CDK2: variants seen among roughly 807,000 people sequenced by gnomAD.
The protein encoded by CDK2 is cyclin-dependent kinase 2.
Under a neutral mutation model 35.0 loss-of-function variants are expected in CDK2, and 8 were observed. That is an observed-to-expected ratio of 0.23 (90% CI 0.13 to 0.41). The LOEUF (loss-of-function observed/expected upper bound fraction) is 0.41. Among genes scored for constraint, CDK2 ranks in the 10% least tolerant of loss-of-function variants. CDK2 has a pLI of 1.00. For missense variants in CDK2, 201 were observed against 367.1 expected (o/e 0.55, Z 3.70); for synonymous variants, 134 against 137.7 (o/e 0.97, Z 0.19).
chr12:55,969,389 G>A, intron 4 of CDK2, 86 bp from the exon 5 acceptor site: 1 of 642,802 alleles, frequency 1.6e-6, no homozygotes, highest in East Asian at 2.8e-5. Flanking sequence ...GAGGCCAAGA[G>A]TAAGCAGAGT....
Position 55,967,213 on chromosome 12 carries a change from C to A in CDK2, c.116+89C>A, listed in dbSNP as rs535976635. 1.6e-5 allele frequency: 15 copies of A among 937,562 alleles called. No homozygotes were observed. In the South Asian group the frequency reaches 2.1e-4, roughly 13 times the overall value. The allele number at this position is 937,562 out of a possible 1,614,324, so 58.1% of individuals were successfully genotyped here. A position where few individuals can be genotyped will look rare whatever the true frequency, so the allele number is the denominator to read the frequency against. ...CCACGGGCGGGTAGCCGTCCAGGGA[C>A]CGGAAGAGAGCAGGGAGGGACTTCT... On this transcript the variant is annotated intron_variant, in intron 1 of 6. Coordinates refer to ENST00000266970, the MANE Select transcript of CDK2 (RefSeq NM_001798.5).
rs373075561 is a variant in CDK2 at position 55,972,673 on chromosome 12, G to A, written c.*1048G>A. On this transcript the variant is annotated 3_prime_UTR_variant, in exon 7 of 7. Transcript: ENST00000266970. ...GTAATGACAGTGCTAAAAAAAAAAA[G>A]CATTTTTTTTTTATGATTTGTCTCT... The A allele has an allele frequency of 8.7e-6, 1 of 114,420 alleles. No individual in the cohort carries two copies. Among genetic ancestry groups the A allele is most frequent in the South Asian group, 2.7e-4 (1 of 3,684 alleles). The allele number at this position is 114,420 out of a possible 1,614,324, so 7.1% of individuals were successfully genotyped here.
intron 1 of CDK2, chr12:55,967,327 A>G (rs1889350062): frequency 1.8e-6 from 1 of 559,586 alleles, no homozygotes; most frequent in African/African-American, 1.9e-5. Flanking sequence ...TGTGGAATCC[A>G]TGGAAAACTT....
chr12:55,970,658 C>T (rs1237152253), intron 5 of CDK2: 8 of 702,248 alleles, frequency 1.1e-5, no homozygotes, highest in Non-Finnish European at 1.3e-5. Context: ...AAATGGAAGA[C>T]AGAGTCTCTG....
At chr12:55,969,423 G>C in intron 4 of CDK2, 52 bp from the exon 5 acceptor site, 1 of 955,842 alleles carries the variant, frequency 1.0e-6, no homozygotes, top group East Asian at 2.5e-5. Context: ...TGAGATGCGG[G>C]AATTTCCATA....
intron 1 of CDK2, 175 bp downstream of exon 1, chr12:55,967,299 G>A (rs1225617523): frequency 2.0e-5 from 12 of 609,978 alleles, no homozygotes; most frequent in Admixed American, 5.6e-5. Flanking sequence ...TATACTCCCT[G>A]GGGAGAGTAT....
At position 55,971,230 on chromosome 12, in the gene CDK2, G is replaced by C. The variant is rs201440719; in HGVS notation, c.775G>C (p.Gly259Arg). The change falls in exon 6 of 7, where the codon GGA (glycine) becomes CGA (arginine). Residue 259 changes from glycine to arginine, a missense_variant. Gly to Arg is a moderately radical substitution (Grantham distance 125). Coordinates refer to ENST00000266970, the MANE Select transcript of CDK2 (RefSeq NM_001798.5). The stretch of plus-strand genomic sequence containing the variant: ...AGTTGTACCTCCCCTGGATGAAGAT[G>C]GACGGAGCTTGTTATCGGTGAGAGT... Reference protein sequence around the residue: ...SKVVPPLDEDGRSLLSQMLHY... With the variant: ...SKVVPPLDEDRRSLLSQMLHY... 1 of 1,614,070 alleles carries C rather than the reference G, an allele frequency of 6.2e-7. No homozygotes were observed. The highest frequency in any genetic ancestry group is 8.5e-7 in the Non-Finnish European group (1 of 1,180,006).
chr12:55,967,044 G>A lies in CDK2; in HGVS notation c.36G>A (p.Glu12=). The change falls in exon 1 of 7, where the codon GAG becomes GAA. Residue 12 remains glutamate, a synonymous_variant. Coordinates refer to ENST00000266970, the MANE Select transcript of CDK2 (RefSeq NM_001798.5). ...TCCAAAAGGTGGAAAAGATCGGAGA[G>A]GGCACGTACGGAGTTGTGTACAAAG... ...ENFQKVEKIG[E]GTYGVVYKAR... 6.2e-7 allele frequency: 1 copy of A among 1,613,928 alleles called. No individual in the cohort carries two copies. The highest frequency in any genetic ancestry group is 8.5e-7 in the Non-Finnish European group (1 of 1,179,954).
Position 55,966,834 on chromosome 12 carries a change from T to C in CDK2, c.-175T>C. The C allele has an allele frequency of 1.1e-6, 1 of 890,138 alleles. No homozygotes were observed. The highest frequency in any genetic ancestry group is 1.6e-6 in the Non-Finnish European group (1 of 618,738). The allele number at this position is 890,138 out of a possible 1,614,324, so 55.1% of individuals were successfully genotyped here. A position where few individuals can be genotyped will look rare whatever the true frequency, so the allele number is the denominator to read the frequency against. The stretch of plus-strand genomic sequence containing the variant: ...AACTCGGTGGGAGGCGGCAACATTG[T>C]TTCAAGTTGGCCAAATTGACAAGAG... On this transcript the variant is annotated 5_prime_UTR_variant, in exon 1 of 7. Coordinates refer to ENST00000266970, the MANE Select transcript of CDK2 (RefSeq NM_001798.5).
In CDK2 at chr12:55,970,723, A is replaced by G. The variant is rs1221375703; in HGVS notation, c.589-321A>G. The stretch of plus-strand genomic sequence containing the variant: ...CATCACAAGGTTGGGGGATGACCGC[A>G]GTGTCTACCCCCTACCCCGTGAGTG... On this transcript the variant is annotated intron_variant, in intron 5 of 6. Coordinates refer to ENST00000266970, the MANE Select transcript of CDK2 (RefSeq NM_001798.5). 4.3e-6 allele frequency: 3 copies of G among 701,904 alleles called. No homozygotes were observed. In the Admixed American group the frequency reaches 6.0e-5, roughly 14 times the overall value. The allele number at this position is 701,904 out of a possible 1,614,324, so 43.5% of individuals were successfully genotyped here.
rs1338095352 is a variant in CDK2 at position 55,971,622 on chromosome 12, C to G, written c.894C>G (p.Leu298=). ...CCAAGCCAGTACCCCATCTTCGACT[C>G]TGATAGCCTTCTTGAAGCCCCCAGC... is the stretch of plus-strand genomic sequence containing the variant. ...DVTKPVPHLR[L] Residue 298 remains leucine, a synonymous_variant, in exon 7 of 7, where the codon CTC becomes CTG. Transcript: ENST00000266970. The G allele has an allele frequency of 6.2e-7, 1 of 1,609,312 alleles. No homozygotes were observed. The highest frequency in any genetic ancestry group is 1.1e-5 in the South Asian group (1 of 91,002).
rs1452430837 is a variant in CDK2 at position 55,971,789 on chromosome 12, G to C, written c.*164G>C. On this transcript the variant is annotated 3_prime_UTR_variant, in exon 7 of 7. Transcript: ENST00000266970. ...AACTCTGGGAATACAGGGGTGAAAG[G>C]GGGGAACCAGTGAAAATGAAAGGAA... 3.4e-6 allele frequency: 2 copies of C among 580,738 alleles called. No individual in the cohort carries two copies. Among genetic ancestry groups the C allele is most frequent in the East Asian group, 2.9e-5 (1 of 34,134 alleles). 36.0% of individuals were successfully genotyped at this position (580,738 alleles called of 1,614,324 possible).
At chr12:55,967,977 A>G (rs746270101) in intron 2 of CDK2, 43 bp downstream of exon 2, 2 of 1,613,440 alleles carry the variant, frequency 1.2e-6, no homozygotes, top group South Asian at 2.2e-5. Context: ...AAAGGAGGAT[A>G]AGTTCTGTCT....
intron 5 of CDK2, 183 bp from the exon 6 acceptor site, chr12:55,970,861 G>A (rs2069410): frequency 0.014 from 9,831 of 709,006 alleles, 114 homozygotes; most frequent in Middle Eastern, 0.021. Flanking sequence ...AGGAGGGGGC[G>A]AGGAGACAGA....
In CDK2 at chr12:55,966,850, T is replaced by C. The variant is rs997160841; in HGVS notation, c.-159T>C. On this transcript the variant is annotated 5_prime_UTR_variant, in exon 1 of 7. Transcript: ENST00000266970. ...GCAACATTGTTTCAAGTTGGCCAAA[T>C]TGACAAGAGCGAGAGGTATACTGCG... is the stretch of plus-strand genomic sequence containing the variant. 96 of 840,194 alleles carry C rather than the reference T, an allele frequency of 1.1e-4. No homozygotes were observed. Among genetic ancestry groups the C allele is most frequent in the Admixed American group, 2.4e-4 (8 of 33,106 alleles). The allele number at this position is 840,194 out of a possible 1,614,324, so 52.0% of individuals were successfully genotyped here. A position where few individuals can be genotyped will look rare whatever the true frequency, so the allele number is the denominator to read the frequency against.
Position 55,968,775 on chromosome 12 carries a change from C to T in CDK2, c.316-3C>T, listed in dbSNP as rs1490509398. On this transcript the variant is annotated splice_region_variant and splice_polypyrimidine_tract_variant and intron_variant, in intron 3 of 6. Transcript: ENST00000266970. ...ACACAGTCCTCTCTTTCTCCTTTGT[C>T]AGAGCTATCTGTTCCAGCTGCTCCA... is the stretch of plus-strand genomic sequence containing the variant. 6.3e-7 allele frequency: 1 copy of T among 1,584,436 alleles called. No homozygotes were observed. Among genetic ancestry groups the T allele is most frequent in the Non-Finnish European group, 8.6e-7 (1 of 1,167,886 alleles).
rs754042510 is a variant in CDK2, at chr12:55,967,061, T to C, written c.53T>C (p.Val18Ala). The change falls in exon 1 of 7, where the codon GTG becomes GCG. Residue 18 changes from valine to alanine, a missense_variant. Val to Ala is a moderately conservative substitution (Grantham distance 64). This residue lies in a region of CDK2 where 37 missense variants were observed against 108.4 expected (regional missense o/e 0.34). Coordinates refer to ENST00000266970, the MANE Select transcript of CDK2 (RefSeq NM_001798.5). Reference protein sequence around the residue: ...EKIGEGTYGVVYKARNKLTGE... With the variant: ...EKIGEGTYGVAYKARNKLTGE... ...ATCGGAGAGGGCACGTACGGAGTTG[T>C]GTACAAAGCCAGAAACAAGTTGACG... 6.2e-7 allele frequency: 1 copy of C among 1,614,056 alleles called. No individual in the cohort carries two copies. Among genetic ancestry groups the C allele is most frequent in the East Asian group, 2.2e-5 (1 of 44,878 alleles).
chr12:55,970,990 A>G (rs1468275081), intron 5 of CDK2, 54 bp from the exon 6 acceptor site: 2 of 1,467,702 alleles, frequency 1.4e-6, no homozygotes, highest in Non-Finnish European at 9.6e-7. Flanking sequence ...TATAGAGGAG[A>G]GTTTTGACTG....
rs756431656 is a variant in CDK2 at position 55,971,626 on chromosome 12, T to A, written c.*1T>A. The A allele has an allele frequency of 9.3e-6, 15 of 1,607,166 alleles. No individual in the cohort carries two copies. Among genetic ancestry groups the A allele is most frequent in the Non-Finnish European group, 1.3e-5 (15 of 1,173,600 alleles). On this transcript the variant is annotated 3_prime_UTR_variant, in exon 7 of 7. Transcript: ENST00000266970. ...GCCAGTACCCCATCTTCGACTCTGA[T>A]AGCCTTCTTGAAGCCCCCAGCCCTA... is the stretch of plus-strand genomic sequence containing the variant.
Sources: gnomAD v4.1 joint callset for allele counts on GRCh38, gnomAD v4.1.1 for gene constraint, gnomAD v4.1.1 regional missense constraint, MANE v1.5 for transcripts, NCBI Gene and HGNC (gene_info 2026-07-23, HGNC 2026-07-21) for gene names.